The following DIAPH2 variants were observed in gnomAD, a reference collection of about 807,000 sequenced individuals.
DIAPH2 encodes diaphanous related formin 2.
DIAPH2 carries 35 observed loss-of-function variants against 92.7 expected under a neutral mutation model. That is an observed-to-expected ratio of 0.38 (90% confidence interval 0.29 to 0.50). The LOEUF is 0.50. Among genes scored for constraint, DIAPH2 ranks in the 20% least tolerant of loss-of-function variants. DIAPH2 has a pLI of 0.94. For missense variants in DIAPH2, 701 were observed against 819.5 expected (o/e 0.86, Z 1.77); for synonymous variants, 301 against 280.4 (o/e 1.07, Z -0.73).
intron 1 of DIAPH2, among the ~76,000 whole-genome samples, chrX:96,717,344 A>G (rs2063955571): frequency 9.0e-6 from 1 of 110,710 alleles, no homozygotes; most frequent in South Asian, 3.8e-4. Flanking sequence ...TGCTTGTTCT[A>G]TCAATTATTG....
intron 26 of DIAPH2, among the ~76,000 whole-genome samples, chrX:97,541,259 C>A (rs1005932596): frequency 2.7e-5 from 3 of 111,707 alleles, no homozygotes; most frequent in African/African-American, 9.8e-5. Flanking sequence ...GGGTCCCAAT[C>A]CACTTAGATA....
intron 4 of DIAPH2, among the ~76,000 whole-genome samples, chrX:96,859,339 C>T (rs1326035024): frequency 9.1e-6 from 1 of 110,011 alleles, no homozygotes; most frequent in African/African-American, 3.3e-5. Flanking sequence ...TATAAAATTT[C>T]TCTTGTAAAT....
In DIAPH2 at chrX:96,686,702, G is replaced by A. The variant is rs771210474; in HGVS notation, c.132+1512G>A. Among the ~76,000 whole-genome samples, 9 of 111,547 alleles carry A rather than the reference G, an allele frequency of 8.1e-5. No individual in the cohort carries two copies. In the East Asian group the frequency reaches 2.5e-3, roughly 31 times the overall value. On this transcript the variant is annotated intron_variant, in intron 1 of 26. Coordinates refer to ENST00000324765, the MANE Select transcript of DIAPH2 (RefSeq NM_006729.5). Reference sequence around the variant, plus strand: ...TTTTGAGCCTTACGTGATTTTACAAGCAGATGTGTCAGAGTTAACAAAAAC... The same window carrying A: ...TTTTGAGCCTTACGTGATTTTACAAACAGATGTGTCAGAGTTAACAAAAAC...
At chrX:97,192,461 T>G (rs753343994) in intron 22 of DIAPH2, among the ~76,000 whole-genome samples, 2 of 110,697 alleles carry the variant, frequency 1.8e-5, no homozygotes, top group Non-Finnish European at 3.8e-5. Flanking sequence ...TAAATAGGAG[T>G]TGAGCCATAG....
intron 17 of DIAPH2, among the ~76,000 whole-genome samples, chrX:97,004,952 C>G (rs2066169910): frequency 8.9e-6 from 1 of 111,750 alleles, no homozygotes; most frequent in African/African-American, 3.3e-5. Context: ...CATATAATAG[C>G]TCTTATTGTG....
intron 17 of DIAPH2, 115 bp from the exon 18 acceptor site, chrX:97,072,826 C>T (rs2066678444): frequency 2.3e-6 from 1 of 433,046 alleles, no homozygotes; most frequent in East Asian, 4.2e-5. Flanking sequence ...GAAATCAACA[C>T]ATTTATTGAT....
intron 22 of DIAPH2, among the ~76,000 whole-genome samples, chrX:97,193,642 T>C (rs983824882): frequency 1.2e-4 from 14 of 112,175 alleles, no homozygotes; most frequent in Non-Finnish European, 2.4e-4. Context: ...CGATTTCATT[T>C]TCTGGTGAAG....
At chrX:96,976,090 C>T (rs1248785525) in intron 17 of DIAPH2, among the ~76,000 whole-genome samples, 6 of 101,610 alleles carry the variant, frequency 5.9e-5, no homozygotes, top group African/African-American at 1.8e-4. Context: ...CAACTCACTG[C>T]GGCCTCGACC....
chrX:97,141,464 C>T (rs1307273713), intron 21 of DIAPH2, among the ~76,000 whole-genome samples: 2 of 111,271 alleles, frequency 1.8e-5, no homozygotes, highest in Non-Finnish European at 3.8e-5. Context: ...TTTAATTTGG[C>T]ACTTTTACTG....
At chrX:97,234,376 G>A (rs1417657513) in intron 22 of DIAPH2, among the ~76,000 whole-genome samples, 3 of 108,693 alleles carry the variant, frequency 2.8e-5, no homozygotes, top group African/African-American at 1.0e-4. Context: ...AGGCCTGGTG[G>A]TGTATACCTA....
At chrX:97,040,790 G>A (rs1309750021) in intron 17 of DIAPH2, among the ~76,000 whole-genome samples, 2 of 109,910 alleles carry the variant, frequency 1.8e-5, no homozygotes, top group Non-Finnish European at 1.9e-5. Flanking sequence ...ATTTGAAAAT[G>A]TGCTATTCAT....
chrX:97,598,770 G>T (rs1468797776), intron 26 of DIAPH2, among the ~76,000 whole-genome samples: 3 of 111,325 alleles, frequency 2.7e-5, no homozygotes, highest in African/African-American at 9.8e-5. Context: ...AAGCAAATTT[G>T]GTAGCTAGTG....
chrX:97,215,224 G>A (rs183056866), intron 22 of DIAPH2, among the ~76,000 whole-genome samples: 1 of 111,500 alleles, frequency 9.0e-6, no homozygotes, highest in Admixed American at 9.6e-5. Flanking sequence ...TTCTAATATA[G>A]TTTTCTTGGA....
At chrX:96,949,456 C>T (rs952891604) in intron 15 of DIAPH2, among the ~76,000 whole-genome samples, 3 of 109,658 alleles carry the variant, frequency 2.7e-5, no homozygotes, top group Non-Finnish European at 5.7e-5. Context: ...TGAAAAGCTC[C>T]CATATATACT....
chrX:97,320,032 G>A (rs899289197), intron 23 of DIAPH2, among the ~76,000 whole-genome samples: 3 of 106,008 alleles, frequency 2.8e-5, no homozygotes, highest in Admixed American at 2.1e-4. Context: ...CCTGGGAGGC[G>A]GAGGTTCCAG....
At chrX:96,945,192 A>G (rs1282542661) in intron 13 of DIAPH2, among the ~76,000 whole-genome samples, 2 of 110,988 alleles carry the variant, frequency 1.8e-5, no homozygotes, top group Admixed American at 9.6e-5. Flanking sequence ...AAGGTTACAC[A>G]TGGAGTCTTT....
intron 4 of DIAPH2, among the ~76,000 whole-genome samples, chrX:96,839,224 C>T (rs2064919610): frequency 9.0e-6 from 1 of 111,149 alleles, no homozygotes; most frequent in African/African-American, 3.3e-5. Flanking sequence ...TGTCTGACTC[C>T]AAAACTGAAG....
At chrX:97,549,594 A>C (rs2071205453) in intron 26 of DIAPH2, among the ~76,000 whole-genome samples, 1 of 111,822 alleles carries the variant, frequency 8.9e-6, no homozygotes, top group Admixed American at 9.5e-5. Context: ...ATAATAGTAC[A>C]TTTATCAACA....
At chrX:96,925,082 C>T (rs1009146462) in intron 9 of DIAPH2, among the ~76,000 whole-genome samples, 4 of 110,801 alleles carry the variant, frequency 3.6e-5, no homozygotes, top group Non-Finnish European at 7.6e-5. Flanking sequence ...TATTGATGAT[C>T]CTTGGGCAAT....
Sources: gnomAD v4.1 joint callset for allele counts (sites outside exome capture counted in the v4.1 genomes callset) on GRCh38, gnomAD v4.1.1 for gene constraint, MANE v1.5 for transcripts, NCBI Gene and HGNC (gene_info 2026-07-23, HGNC 2026-07-21) for gene names.